The following ADGRE3 variants were observed in gnomAD, a reference collection of about 807,000 sequenced individuals.
The protein encoded by ADGRE3 is EGF-like module receptor 3.
ADGRE3 carries 88 observed loss-of-function variants against 80.1 expected under a neutral mutation model. The ratio of observed to expected loss-of-function variants is 1.10; its 90% CI spans 0.93 to 1.31. ADGRE3 has a LOEUF of 1.31. Ranked by LOEUF, ADGRE3 falls within the 40% of genes most tolerant of loss-of-function variation. ADGRE3 has a pLI of 0.00. For missense variants in ADGRE3, 715 were observed against 776.5 expected, an observed-to-expected ratio of 0.92 and a Z score of 0.94; for synonymous variants, 281 against 294.8, an observed-to-expected ratio of 0.95 and a Z score of 0.48.
At chr19:14,625,279 T>G (rs909863879) in intron 15 of ADGRE3, among the ~76,000 whole-genome samples, 1 of 152,142 alleles carries the variant, frequency 6.6e-6, no homozygotes, top group African/African-American at 2.4e-5. Context: ...CATGCCCAGC[T>G]AATGCTGGGC....
At chr19:14,661,858 C>T (rs1971952762) in intron 4 of ADGRE3, 105 bp downstream of exon 4, 2 of 1,280,912 alleles carry the variant, frequency 1.6e-6, no homozygotes, top group African/African-American at 3.0e-5. Flanking sequence ...GCACTCCAGC[C>T]TGGGCTACAG....
intron 15 of ADGRE3, among the ~76,000 whole-genome samples, chr19:14,623,898 C>T (rs929564280): frequency 1.3e-5 from 2 of 152,090 alleles, no homozygotes; most frequent in Non-Finnish European, 2.9e-5. Context: ...AACAATATAA[C>T]AAGAATGAGG....
chr19:14,638,007 G>C (rs141004235), intron 11 of ADGRE3, 98 bp downstream of exon 11: 14,815 of 831,950 alleles, frequency 0.018, 193 homozygotes, highest in Middle Eastern at 0.034. Flanking sequence ...AGAACGTAGA[G>C]TGCATTGGTT....
At chr19:14,652,421 C>T (rs551886223) in intron 6 of ADGRE3, among the ~76,000 whole-genome samples, 1 of 151,858 alleles carries the variant, frequency 6.6e-6, no homozygotes, top group Admixed American at 6.6e-5. Context: ...CTCCTATTTC[C>T]TTTTGTGCAT....
chr19:14,650,024 A>T (rs1379983013), intron 7 of ADGRE3, among the ~76,000 whole-genome samples: 2 of 87,462 alleles, frequency 2.3e-5, no homozygotes, highest in Non-Finnish European at 2.4e-5. Context: ...CTCTCTTTCC[A>T]TCTCTCTCCC....
intron 14 of ADGRE3, among the ~76,000 whole-genome samples, chr19:14,627,536 C>T (rs536375675): frequency 3.3e-5 from 5 of 152,202 alleles, no homozygotes; most frequent in Admixed American, 3.3e-4. Context: ...TGCCACCACT[C>T]TCGGCTAATG....
intron 2 of ADGRE3, among the ~76,000 whole-genome samples, chr19:14,665,908 CAT>C (rs759016908): frequency 1.1e-3 from 105 of 92,048 alleles, no homozygotes; most frequent in Non-Finnish European, 1.8e-3. Context: ...TATTTATACA[CAT>C]ATATATTGCA....
At chr19:14,633,052 GTAAT>G in intron 12 of ADGRE3, 40 bp from the exon 13 acceptor site, 1 of 1,483,896 alleles carries the variant, frequency 6.7e-7, no homozygotes, top group South Asian at 1.1e-5. Flanking sequence ...GCAAGTTAAA[GTAAT>G]GTATGGTGTC....
intron 9 of ADGRE3, 126 bp from the exon 10 acceptor site, chr19:14,641,742 A>G: frequency 2.6e-6 from 3 of 1,148,202 alleles, no homozygotes; most frequent in Non-Finnish European, 3.8e-6. Flanking sequence ...TTAGACTGCT[A>G]ATGTAGATTG....
intron 3 of ADGRE3, among the ~76,000 whole-genome samples, chr19:14,663,163 C>T (rs377529397): frequency 4.6e-5 from 7 of 151,888 alleles, no homozygotes; most frequent in Non-Finnish European, 5.9e-5. Flanking sequence ...ACACCATGCC[C>T]GGCAAATTTT....
At chr19:14,618,063 C>T (rs991021567), downstream of ADGRE3, among the ~76,000 whole-genome samples, 1 of 151,972 alleles carries the variant, frequency 6.6e-6, no homozygotes, top group African/African-American at 2.4e-5. Context: ...GGAGGGACAG[C>T]ATAATTTAGA....
At chr19:14,639,463 G>A (rs1050190281) in intron 10 of ADGRE3, among the ~76,000 whole-genome samples, 2 of 151,804 alleles carry the variant, frequency 1.3e-5, no homozygotes, top group African/African-American at 4.8e-5. Context: ...GAGTACAGTG[G>A]TTGCAATCAT....
chr19:14,672,281 G>A lies in ADGRE3; in HGVS notation c.25+2465C>T, dbSNP rs540275963. ...AAGTTAGGGTTTCTGAAGAGTCATC[G>A]GTGTGTCAGAATCCCAGAGTTCTAA... is the stretch of plus-strand genomic sequence containing the variant. On this transcript the variant is annotated intron_variant, in intron 1 of 15. Transcript: ENST00000253673. Among the ~76,000 whole-genome samples, 44 of 152,302 alleles carry A rather than the reference G, an allele frequency of 2.9e-4. No homozygotes were observed. In the South Asian group the frequency reaches 5.0e-3, roughly 17 times the overall value.
At chr19:14,667,561 A>G (rs555933335) in intron 2 of ADGRE3, among the ~76,000 whole-genome samples, 4 of 152,062 alleles carry the variant, frequency 2.6e-5, no homozygotes, top group Non-Finnish European at 5.9e-5. Flanking sequence ...GAAGCTGGAA[A>G]CCATCATTCT....
rs1189472939 is a variant in ADGRE3 at position 14,638,198 on chromosome 19, T to A, written c.1391A>T (p.Lys464Met). 2 of 1,613,984 alleles carry A rather than the reference T, an allele frequency of 1.2e-6. No individual in the cohort carries two copies. Among genetic ancestry groups the A allele is most frequent in the Non-Finnish European group, 1.7e-6 (2 of 1,180,022 alleles). ...ATAGCCGACTGGGAACATGATCCAC[T>A]TCATGAGTCTATTGATGCTTGAGTA... ...VNYSSINRLM[K>M]WIMFPVGYGV... Residue 464 changes from lysine (K) to methionine (M), a missense_variant, in exon 11 of 16, where the codon AAG (lysine) becomes ATG (methionine). By Grantham distance (95) the Lys-to-Met change is moderately conservative. Transcript: ENST00000253673.
rs1568471616 is a variant in ADGRE3, at chr19:14,620,560, ATATATATATTTTTTTTTTTTTTTT to A, written c.1921-1113_1921-1090del. ...TTTTATATATATATTATATATATAT[ATATATATATTTTTTTTTTTTTTTT>A]TTTTTTTTTTTTTGAGACAGGGTTT... On this transcript the variant is annotated intron_variant, in intron 15 of 15. Transcript: ENST00000253673. Among the ~76,000 whole-genome samples, 23 of 23,694 alleles carry A rather than the reference ATATATATATTTTTTTTTTTTTTTT, an allele frequency of 9.7e-4. 2 individuals are homozygous for A. In the East Asian group the frequency reaches 0.019, roughly 19 times the overall value. 15.5% of individuals were successfully genotyped at this position (23,694 alleles called of 152,430 possible).
downstream of ADGRE3, among the ~76,000 whole-genome samples, chr19:14,617,281 C>A (rs142594256): frequency 4.9e-3 from 716 of 146,802 alleles, 6 homozygotes; most frequent in African/African-American, 0.017. Flanking sequence ...CTTTTTCGTT[C>A]TTTCTCTTTC....
the ADGRE3 span, among the ~76,000 whole-genome samples, chr19:14,613,683 G>C: frequency 6.6e-6 from 1 of 151,092 alleles, no homozygotes; most frequent in African/African-American, 2.4e-5. Flanking sequence ...CTTTTATTTC[G>C]TTATTAAAAA....
rs1158142057 is a variant in ADGRE3, at chr19:14,636,145, T to TTCCTTCCTTCCTTCCTTCCTTC, written c.1484+1959_1484+1960insGAAGGAAGGAAGGAAGGAAGGA. Reference sequence around the variant, plus strand: ...TTCTTTCTTTCTTTCTTTCTTTCTTTCTTTCTTCCTTTCCTCCTTTCCTTT... The same window carrying TTCCTTCCTTCCTTCCTTCCTTC: ...TTCTTTCTTTCTTTCTTTCTTTCTTTTCCTTCCTTCCTTCCTTCCTTCCTTTCTTCCTTTCCTCCTTTCCTTT... On this transcript the variant is annotated intron_variant, in intron 11 of 15. Transcript: ENST00000253673. 8.3e-3 allele frequency among the ~76,000 whole-genome samples: 184 copies of TTCCTTCCTTCCTTCCTTCCTTC among 22,270 alleles called. 26 individuals carry two copies. The highest frequency in any genetic ancestry group is 0.017 in the South Asian group (8 of 464). 14.6% of individuals were successfully genotyped at this position (22,270 alleles called of 152,430 possible).
Sources: allele counts gnomAD v4.1 joint callset (sites outside exome capture counted in the v4.1 genomes callset), GRCh38; gene constraint gnomAD v4.1.1; transcripts MANE v1.5; gene names NCBI Gene and HGNC (gene_info 2026-07-23, HGNC 2026-07-21).